The following BDP1 variants were observed in gnomAD, a reference collection of about 807,000 sequenced individuals.
BDP1 encodes transcription factor TFIIIB component B'' homolog.
BDP1 carries 169 observed loss-of-function variants against 266.6 expected under a neutral mutation model. The ratio of observed to expected loss-of-function variants is 0.63; its 90% CI spans 0.56 to 0.72. The LOEUF (loss-of-function observed/expected upper bound fraction) is 0.72, where lower values mean the gene tolerates loss of function less well. Among genes scored for constraint, BDP1 ranks in the 30% least tolerant of loss-of-function variants. The pLI, the probability that BDP1 is intolerant of heterozygous loss-of-function variation, is 0.00. For synonymous variants in BDP1, 1,090 were observed against 1,022.4 expected, an observed-to-expected ratio of 1.07 and a Z score of -1.26; for missense variants, 3,015 against 3,053.8, an observed-to-expected ratio of 0.99 and a Z score of 0.30.
chr5:71,532,522 T>G, intron 26 of BDP1, 95 bp downstream of exon 26: 2 of 1,171,596 alleles, frequency 1.7e-6, no homozygotes, highest in Non-Finnish European at 2.4e-6. Context: ...TTATAAACAC[T>G]TTACTTAGCT....
chr5:71,505,878 A>G (rs1046393448), intron 16 of BDP1, among the ~76,000 whole-genome samples: 19 of 152,200 alleles, frequency 1.2e-4, no homozygotes, highest in Admixed American at 1.2e-3. Context: ...CAAAAAAGAA[A>G]AGTACCTAAC....
intron 6 of BDP1, among the ~76,000 whole-genome samples, chr5:71,469,759 GCACGCCAC>G (rs1357111883): frequency 1.4e-5 from 2 of 147,708 alleles, no homozygotes; most frequent in Admixed American, 1.4e-4. Flanking sequence ...GATTACAGGT[GCACGCCAC>G]CACGCCCAGC....
intron 36 of BDP1, among the ~76,000 whole-genome samples, 181 bp downstream of exon 36, chr5:71,557,106 G>A (rs187197098): frequency 6.6e-6 from 1 of 152,108 alleles, no homozygotes; most frequent in Non-Finnish European, 1.5e-5. Flanking sequence ...GGCAAAAGAA[G>A]GTCTTTTCAT....
At chr5:71,547,678 C>T (rs1742433165) in intron 32 of BDP1, among the ~76,000 whole-genome samples, 1 of 152,204 alleles carries the variant, frequency 6.6e-6, no homozygotes, top group Non-Finnish European at 1.5e-5. Flanking sequence ...AGGCCAGGCG[C>T]AGTGGCTCAC....
intron 34 of BDP1, 58 bp downstream of exon 34, chr5:71,549,664 G>A: frequency 2.2e-6 from 3 of 1,385,500 alleles, no homozygotes; most frequent in South Asian, 3.0e-5. Context: ...GAACTAAGTA[G>A]CATTGATTGA....
At chr5:71,490,891 T>C in intron 10 of BDP1, 93 bp from the exon 11 acceptor site, 1 of 1,255,772 alleles carries the variant, frequency 8.0e-7, no homozygotes. Context: ...TAAGGTTTTG[T>C]AGGAAAAGAG....
At chr5:71,489,776 A>G (rs1230348216) in intron 10 of BDP1, 94 bp downstream of exon 10, 3 of 1,049,480 alleles carry the variant, frequency 2.9e-6, no homozygotes, top group Non-Finnish European at 4.2e-6. Flanking sequence ...CTAGATAGCA[A>G]TTAATGATGC....
chr5:71,509,722 C>T lies in BDP1; in HGVS notation c.2630C>T (p.Thr877Ile), dbSNP rs1764789486. Residue 877 changes from threonine to isoleucine, a missense_variant, in exon 17 of 39, where the codon ACT becomes ATT. Thr to Ile is a moderately conservative substitution (Grantham distance 89). This residue lies in a region of BDP1 where 2,383 missense variants were observed against 2,404.9 expected (regional missense o/e 0.99). Coordinates refer to ENST00000358731, the MANE Select transcript of BDP1 (RefSeq NM_018429.3). ...GAAATGCAGTCAGATTTAAAAGAAACTGGAAGAAGAGCCATTTCTCCCAGG... is the reference window on the plus strand; with the variant it reads ...GAAATGCAGTCAGATTTAAAAGAAATTGGAAGAAGAGCCATTTCTCCCAGG... ...TKEMQSDLKE[T>I]GRRAISPREK... 1 of 1,613,874 alleles carries T rather than the reference C, an allele frequency of 6.2e-7. No individual in the cohort carries two copies. Among genetic ancestry groups the T allele is most frequent in the Admixed American group, 1.7e-5 (1 of 59,962 alleles).
At chr5:71,523,356 G>A (rs1051948634) in intron 24 of BDP1, among the ~76,000 whole-genome samples, 1 of 151,854 alleles carries the variant, frequency 6.6e-6, no homozygotes, top group Non-Finnish European at 1.5e-5. Flanking sequence ...CTCTTCTCGC[G>A]CAGGCTGGAG....
chr5:71,511,881 A>G (rs1764939987), intron 17 of BDP1, among the ~76,000 whole-genome samples: 1 of 152,196 alleles, frequency 6.6e-6, no homozygotes, highest in Admixed American at 6.5e-5. Context: ...TCTTTTGGCC[A>G]CATCTGTATC....
At position 71,510,965 on chromosome 5, in the gene BDP1, A is replaced by G. The variant is rs774723036; in HGVS notation, c.3873A>G (p.Arg1291=). ...DLKETGKENF[R]ERGSEEICVT... is the part of the protein sequence containing the mutation. ...AAGAAACTGGAAAAGAAAATTTTAG[A>G]GAGAGAGGATCTGAAGAGATCTGTG... Residue 1291 remains arginine, a synonymous_variant, in exon 17 of 39, where the codon AGA becomes AGG. Coordinates refer to ENST00000358731, the MANE Select transcript of BDP1 (RefSeq NM_018429.3). The G allele has an allele frequency of 4.3e-6, 7 of 1,614,186 alleles. No individual in the cohort carries two copies. In the Admixed American group the frequency reaches 8.3e-5, roughly 19 times the overall value.
chr5:71,508,219 C>T (rs1304743172), intron 16 of BDP1, among the ~76,000 whole-genome samples: 1 of 152,204 alleles, frequency 6.6e-6, no homozygotes, highest in African/African-American at 2.4e-5. Flanking sequence ...CCTGTCTCAG[C>T]CTTCCAAAAT....
chr5:71,537,411 A>G (rs1179982078), intron 26 of BDP1, among the ~76,000 whole-genome samples: 9 of 152,138 alleles, frequency 5.9e-5, no homozygotes, highest in Admixed American at 5.9e-4. Context: ...ATGAGGTGGG[A>G]TTTCCTTCTT....
intron 22 of BDP1, among the ~76,000 whole-genome samples, chr5:71,518,295 C>T (rs1308745076): frequency 6.6e-6 from 1 of 152,148 alleles, no homozygotes; most frequent in African/African-American, 2.4e-5. Context: ...AATATTTCAG[C>T]TTCCTTTAAT....
chr5:71,561,219 T>A (rs966276144), intron 37 of BDP1, among the ~76,000 whole-genome samples: 3 of 152,134 alleles, frequency 2.0e-5, no homozygotes, highest in Admixed American at 2.0e-4. Context: ...CTAACCAACA[T>A]GGAGAAGCCC....
At position 71,511,087 on chromosome 5, in the gene BDP1, C is replaced by T; in HGVS notation, c.3995C>T (p.Thr1332Ile). 1 of 1,614,160 alleles carries T rather than the reference C, an allele frequency of 6.2e-7. No individual in the cohort carries two copies. The highest frequency in any genetic ancestry group is 8.5e-7 in the Non-Finnish European group (1 of 1,180,004). Reference sequence around the variant, plus strand: ...GAGGAGACCAGTACCTCAAGACAAACTGACACACATTTAATGCAGAGCGGT... The same window carrying T: ...GAGGAGACCAGTACCTCAAGACAAATTGACACACATTTAATGCAGAGCGGT... ...ELEETSTSRQ[T>I]DTHLMQSGSN... is the part of the protein sequence containing the mutation. Residue 1332 changes from threonine (T) to isoleucine (I), a missense_variant, in exon 17 of 39, where the codon ACT (threonine) becomes ATT (isoleucine). By Grantham distance (89) the Thr-to-Ile change is moderately conservative. This residue lies in a region of BDP1 where 2,383 missense variants were observed against 2,404.9 expected (regional missense o/e 0.99). Coordinates refer to ENST00000358731, the MANE Select transcript of BDP1 (RefSeq NM_018429.3).
rs6877289 is a variant in BDP1, at chr5:71,467,108, G to A, written c.786-246G>A. On this transcript the variant is annotated intron_variant, in intron 5 of 38. Coordinates refer to ENST00000358731, the MANE Select transcript of BDP1 (RefSeq NM_018429.3). ...GTTTTATAATACGTAGCCCAAAGATGTTTTGTAAATATTATATTGCTGTTA... is the reference window on the plus strand; with the variant it reads ...GTTTTATAATACGTAGCCCAAAGATATTTTGTAAATATTATATTGCTGTTA... Among the ~76,000 whole-genome samples the A allele has an allele frequency of 0.78, 118,635 of 152,160 alleles. 46,989 individuals carry two copies. Among genetic ancestry groups the A allele is most frequent in the East Asian group, 0.87 (4,538 of 5,194 alleles).
At chr5:71,492,863 T>G (rs1324334848) in intron 11 of BDP1, among the ~76,000 whole-genome samples, 4 of 152,248 alleles carry the variant, frequency 2.6e-5, no homozygotes, top group Admixed American at 2.0e-4. Context: ...GTGGCATTAT[T>G]TACATTTACA....
chr5:71,549,624 C>G lies in BDP1; in HGVS notation c.6995+18C>G. On this transcript the variant is annotated intron_variant, in intron 34 of 38. Coordinates refer to ENST00000358731, the MANE Select transcript of BDP1 (RefSeq NM_018429.3). ...GACATGAGGTAACGAATGAGTGAAA[C>G]TGTTTTTGCTAGGAGGAAAAGTGAT... 2 of 1,572,962 alleles carry G rather than the reference C, an allele frequency of 1.3e-6. No homozygotes were observed. Among genetic ancestry groups the G allele is most frequent in the East Asian group, 4.6e-5 (2 of 43,954 alleles).
Sources: allele counts gnomAD v4.1 joint callset (sites outside exome capture counted in the v4.1 genomes callset), GRCh38; gene constraint gnomAD v4.1.1; regional missense constraint gnomAD v4.1.1; transcripts MANE v1.5; gene names NCBI Gene and HGNC (gene_info 2026-07-23, HGNC 2026-07-21).